ZAP70: variants seen among roughly 807,000 people sequenced by gnomAD.
ZAP70 encodes the protein zeta chain of T cell receptor associated protein kinase 70, also known as tyrosine-protein kinase ZAP-70.
A neutral mutation model predicts 65.8 loss-of-function variants in ZAP70; 27 were observed. The observed-to-expected ratio is 0.41, with a 90% CI of 0.30 to 0.57. ZAP70 has a LOEUF of 0.57. Ranked by LOEUF, ZAP70 falls within the 20% of genes least tolerant of loss-of-function variation. ZAP70 has a pLI of 0.28. For synonymous variants in ZAP70, 363 were observed against 360.8 expected, an observed-to-expected ratio of 1.01 and a Z score of -0.07; for missense variants, 696 against 870.5, an observed-to-expected ratio of 0.80 and a Z score of 2.52.
intron 4 of ZAP70, among the ~76,000 whole-genome samples, chr2:97,732,454 C>G (rs151261054): frequency 2.6e-5 from 4 of 152,086 alleles, no homozygotes; most frequent in Admixed American, 1.3e-4. Context: ...ACTGTATGGC[C>G]GAGTGTACCC....
intron 4 of ZAP70, among the ~76,000 whole-genome samples, chr2:97,728,954 T>C (rs890372833): frequency 6.6e-6 from 1 of 152,266 alleles, no homozygotes; most frequent in African/African-American, 2.4e-5. Context: ...GGTTTTGCCA[T>C]GTTGGCCAGG....
intron 4 of ZAP70, among the ~76,000 whole-genome samples, chr2:97,726,160 T>C (rs550440982): frequency 1.3e-5 from 2 of 152,266 alleles, no homozygotes; most frequent in Admixed American, 1.3e-4. Flanking sequence ...TTAGCTTTTA[T>C]ATGTGGGTGA....
chr2:97,727,127 G>A (rs1188996412), intron 4 of ZAP70, among the ~76,000 whole-genome samples: 1 of 152,246 alleles, frequency 6.6e-6, no homozygotes, highest in African/African-American at 2.4e-5. Context: ...AGATCAGTCA[G>A]AGAGGACAGG....
chr2:97,727,780 C>T (rs1677450243), intron 4 of ZAP70, among the ~76,000 whole-genome samples: 1 of 152,196 alleles, frequency 6.6e-6, no homozygotes, highest in Non-Finnish European at 1.5e-5. Context: ...CCATCTCTGC[C>T]TCTCTTCTGT....
At chr2:97,750,645 C>T in the ZAP70 span, among the ~76,000 whole-genome samples, 2 of 152,194 alleles carry the variant, frequency 1.3e-5, no homozygotes, top group East Asian at 3.8e-4. Context: ...TAGAGCGCCT[C>T]CAGGTAATGG....
intron 2 of ZAP70, among the ~76,000 whole-genome samples, chr2:97,719,906 G>A (rs1036295922): frequency 9.9e-5 from 15 of 151,996 alleles, no homozygotes; most frequent in African/African-American, 1.9e-4. Flanking sequence ...TGCGTTTTCC[G>A]TCCCTATAGT....
At chr2:97,750,956 G>A in the ZAP70 span, among the ~76,000 whole-genome samples, 12 of 152,328 alleles carry the variant, frequency 7.9e-5, no homozygotes, top group Admixed American at 2.6e-4. Flanking sequence ...TATTCCTTTG[G>A]TGGGAACTGG....
chr2:97,722,999 G>C (rs60433076), intron 2 of ZAP70, among the ~76,000 whole-genome samples: 1 of 152,080 alleles, frequency 6.6e-6, no homozygotes, highest in South Asian at 2.1e-4. Context: ...CTTAGTTTTC[G>C]GAAAATCAGA....
chr2:97,753,342 T>C, the ZAP70 span, among the ~76,000 whole-genome samples: 1 of 152,194 alleles, frequency 6.6e-6, no homozygotes, highest in Non-Finnish European at 1.5e-5. Context: ...TTAAATATAG[T>C]CTTTTCAATT....
chr2:97,719,557 G>GGC (rs796506133), intron 2 of ZAP70, among the ~76,000 whole-genome samples: 9 of 151,368 alleles, frequency 5.9e-5, no homozygotes, highest in Middle Eastern at 3.4e-3. Flanking sequence ...ACAGCCTGGG[G>GGC]GGGGGGCGCA....
intron 2 of ZAP70, among the ~76,000 whole-genome samples, chr2:97,723,245 C>T (rs572177808): frequency 6.6e-6 from 1 of 152,358 alleles, no homozygotes; most frequent in African/African-American, 2.4e-5. Context: ...TTAGCGTATG[C>T]TCTGTAGAAA....
At chr2:97,752,567 T>C in the ZAP70 span, among the ~76,000 whole-genome samples, 3 of 152,242 alleles carry the variant, frequency 2.0e-5, no homozygotes, top group Non-Finnish European at 4.4e-5. Context: ...ATCTTGTTTC[T>C]TTAGCACAGT....
the ZAP70 span, among the ~76,000 whole-genome samples, chr2:97,746,576 A>T: frequency 1.3e-5 from 2 of 152,216 alleles, no homozygotes; most frequent in Admixed American, 6.5e-5. Flanking sequence ...CCCGGACAGG[A>T]GTGGCCTTGA....
rs1158234919 is a variant in ZAP70, at chr2:97,714,910, G to C, written c.-22+916G>C. On this transcript the variant is annotated intron_variant, in intron 2 of 13. Transcript: ENST00000264972. Reference sequence around the variant, plus strand: ...GATGTGCACACTCTGGAGCCTGGGGGCCTGGCTTCACATTCTGGCTCTGCC... The same window carrying C: ...GATGTGCACACTCTGGAGCCTGGGGCCCTGGCTTCACATTCTGGCTCTGCC... Among the ~76,000 whole-genome samples, 4 of 152,124 alleles carry C rather than the reference G, an allele frequency of 2.6e-5. No homozygotes were observed. In the South Asian group the frequency reaches 8.3e-4, roughly 31 times the overall value.
At chr2:97,730,052 C>G (rs1342322129) in intron 4 of ZAP70, among the ~76,000 whole-genome samples, 1 of 152,074 alleles carries the variant, frequency 6.6e-6, no homozygotes, top group Non-Finnish European at 1.5e-5. Context: ...CATGGTGAAA[C>G]CCTGTCTCTA....
Position 97,736,798 on chromosome 2 carries a change from C to T in ZAP70, c.1290-675C>T, listed in dbSNP as rs541228799. On this transcript the variant is annotated intron_variant, in intron 10 of 13. Transcript: ENST00000264972. This position sits in a 1 kb window ranked among gnomAD's most constrained non-coding sequence, Gnocchi z 4.0. ...GCGGGCAGGGAGGGGATGAGCAGAC[C>T]GTGCCAGGCCTTGCGGGCTGCCAGG... Among the ~76,000 whole-genome samples the T allele has an allele frequency of 1.3e-5, 2 of 152,198 alleles. No homozygotes were observed. The highest frequency in any genetic ancestry group is 1.9e-4 in the East Asian group (1 of 5,174).
downstream of ZAP70, among the ~76,000 whole-genome samples, chr2:97,740,657 A>C (rs1250100753): frequency 3.3e-5 from 5 of 152,164 alleles, no homozygotes; most frequent in Admixed American, 3.3e-4. Context: ...GAACCAACGA[A>C]AGAGGGTGCA....
downstream of ZAP70, among the ~76,000 whole-genome samples, chr2:97,741,203 T>C (rs1325799786): frequency 6.6e-6 from 1 of 152,210 alleles, no homozygotes; most frequent in Non-Finnish European, 1.5e-5. Context: ...ATTTCAGTCA[T>C]GCAAGCCCCA....
chr2:97,747,815 G>GTTTTTTTTTTTTTTTTTTTTTTTTTT, the ZAP70 span, among the ~76,000 whole-genome samples: 2 of 54,792 alleles, frequency 3.7e-5, 1 homozygote, highest in African/African-American at 1.8e-4. Flanking sequence ...CTGGCACGAG[G>GTTTTTTTTTTTTTTTTTTTTTTTTTT]TTTTTTTTTT....
Sources: gnomAD v4.1 joint callset for allele counts (sites outside exome capture counted in the v4.1 genomes callset) on GRCh38, gnomAD v4.1.1 for gene constraint, Gnocchi (gnomAD v3.1) non-coding constraint, MANE v1.5 for transcripts, NCBI Gene and HGNC (gene_info 2026-07-23, HGNC 2026-07-21) for gene names.